Variants in IL1RAPL1 observed in about 807,000 individuals in gnomAD.
IL1RAPL1 encodes the protein interleukin 1 receptor accessory protein like 1.
Under a neutral mutation model 48.4 loss-of-function variants are expected in IL1RAPL1, and 3 were observed. That is an observed-to-expected ratio of 0.06 (90% CI 0.03 to 0.16). The LOEUF (loss-of-function observed/expected upper bound fraction) is 0.16. Ranked by LOEUF, IL1RAPL1 falls within the 10% of genes least tolerant of loss-of-function variation. IL1RAPL1 has a pLI of 1.00. For synonymous variants in IL1RAPL1, 185 were observed against 187.7 expected, an observed-to-expected ratio of 0.99 and a Z score of 0.12; for missense variants, 349 against 530.6, an observed-to-expected ratio of 0.66 and a Z score of 3.36.
intron 2 of IL1RAPL1, among the ~76,000 whole-genome samples, chrX:28,863,230 A>G (rs1466819412): frequency 1.8e-5 from 2 of 111,428 alleles, no homozygotes; most frequent in African/African-American, 3.3e-5. Context: ...CTTTTTATAC[A>G]AAGAGCCAGA....
At chrX:28,700,178 T>C (rs1481076757) in intron 1 of IL1RAPL1, among the ~76,000 whole-genome samples, 1 of 111,076 alleles carries the variant, frequency 9.0e-6, no homozygotes, top group Non-Finnish European at 1.9e-5. Context: ...ATGGGAGGAC[T>C]TTTTTTTGAA....
chrX:29,064,727 G>T (rs1452983350), intron 2 of IL1RAPL1, among the ~76,000 whole-genome samples: 3 of 110,260 alleles, frequency 2.7e-5, no homozygotes, highest in Non-Finnish European at 5.7e-5. Context: ...GACTACAGGC[G>T]CCCGCCACCA....
chrX:29,828,281 G>A (rs777502404), intron 6 of IL1RAPL1, among the ~76,000 whole-genome samples: 1 of 111,788 alleles, frequency 8.9e-6, no homozygotes, highest in South Asian at 3.8e-4. Context: ...AGACACTGGA[G>A]AGTTCTGAGA....
intron 5 of IL1RAPL1, among the ~76,000 whole-genome samples, chrX:29,525,958 A>T (rs939817627): frequency 8.9e-6 from 1 of 111,897 alleles, no homozygotes; most frequent in African/African-American, 3.2e-5. Context: ...GTAGCTAAAC[A>T]TTATCTTCAG....
intron 3 of IL1RAPL1, among the ~76,000 whole-genome samples, chrX:29,370,931 A>T (rs1274954066): frequency 2.7e-5 from 3 of 109,405 alleles, no homozygotes; most frequent in Non-Finnish European, 5.7e-5. Context: ...ATATTTCAAG[A>T]CATGTATATA....
At chrX:29,442,123 C>G (rs1216589610) in intron 5 of IL1RAPL1, among the ~76,000 whole-genome samples, 3 of 111,887 alleles carry the variant, frequency 2.7e-5, no homozygotes, top group Non-Finnish European at 3.8e-5. Flanking sequence ...GCAAAAAGAA[C>G]AAATCTGGAG....
chrX:28,807,388 G>A (rs1055555951), intron 2 of IL1RAPL1, among the ~76,000 whole-genome samples: 5 of 111,548 alleles, frequency 4.5e-5, no homozygotes, highest in South Asian at 7.4e-4. Context: ...GGTAGGTACA[G>A]AATAGTATTT....
chrX:29,373,961 G>T (rs1457899694), intron 3 of IL1RAPL1, among the ~76,000 whole-genome samples: 1 of 89,536 alleles, frequency 1.1e-5, no homozygotes, highest in Non-Finnish European at 2.1e-5. Flanking sequence ...TCCCTCCTCA[G>T]CTTCCCAAAG....
chrX:29,142,383 A>G (rs947121672), intron 2 of IL1RAPL1, among the ~76,000 whole-genome samples: 2 of 111,756 alleles, frequency 1.8e-5, no homozygotes, highest in African/African-American at 6.5e-5. Context: ...AAAAGTTTCT[A>G]GGTCAGGAAA....
intron 5 of IL1RAPL1, among the ~76,000 whole-genome samples, chrX:29,552,270 A>G (rs1921841941): frequency 9.0e-6 from 1 of 111,671 alleles, no homozygotes; most frequent in Non-Finnish European, 1.9e-5. Context: ...TACATTTTAT[A>G]TGCCATTTCT....
intron 6 of IL1RAPL1, among the ~76,000 whole-genome samples, chrX:29,775,839 C>T (rs187603132): frequency 1.8e-3 from 198 of 111,269 alleles, no homozygotes; most frequent in African/African-American, 6.1e-3. Flanking sequence ...ACCTACTCTT[C>T]CTTTTGTCTT....
At chrX:28,836,728 C>T (rs757794884) in intron 2 of IL1RAPL1, among the ~76,000 whole-genome samples, 1 of 110,120 alleles carries the variant, frequency 9.1e-6, no homozygotes, top group African/African-American at 3.3e-5. Flanking sequence ...TCCTTAAAAA[C>T]TTGCTGTGGT....
At chrX:29,867,970 G>A (rs1285930337) in intron 6 of IL1RAPL1, among the ~76,000 whole-genome samples, 1 of 112,271 alleles carries the variant, frequency 8.9e-6, no homozygotes, top group Admixed American at 9.4e-5. Context: ...TTTATTTAGT[G>A]GAATGACCTC....
At chrX:28,689,683 T>C (rs925278118) in intron 1 of IL1RAPL1, among the ~76,000 whole-genome samples, 2 of 111,960 alleles carry the variant, frequency 1.8e-5, no homozygotes, top group African/African-American at 6.5e-5. Context: ...ATTTGTAGAG[T>C]TTCTTTTCTC....
chrX:28,940,564 T>A (rs920104046), intron 2 of IL1RAPL1, among the ~76,000 whole-genome samples: 43 of 111,178 alleles, frequency 3.9e-4, no homozygotes, highest in Non-Finnish European at 7.2e-4. Context: ...CTAGAAGTTT[T>A]AGAAGACGTC....
chrX:29,138,490 G>A (rs763316744), intron 2 of IL1RAPL1, among the ~76,000 whole-genome samples: 1 of 111,169 alleles, frequency 9.0e-6, no homozygotes, highest in South Asian at 3.7e-4. Flanking sequence ...TTAGTAGGCC[G>A]GGCATGGTGG....
intron 5 of IL1RAPL1, among the ~76,000 whole-genome samples, chrX:29,540,361 C>G (rs1294470837): frequency 9.0e-6 from 1 of 111,372 alleles, no homozygotes; most frequent in Non-Finnish European, 1.9e-5. Flanking sequence ...TTGTCCAAAG[C>G]AATCTACAGA....
chrX:29,208,341 G>A (rs1178661632), intron 2 of IL1RAPL1, among the ~76,000 whole-genome samples: 2 of 111,606 alleles, frequency 1.8e-5, no homozygotes, highest in African/African-American at 6.5e-5. Flanking sequence ...GAGAAATAGA[G>A]CAGCGAGAAA....
intron 5 of IL1RAPL1, among the ~76,000 whole-genome samples, chrX:29,525,056 A>G (rs994169217): frequency 8.9e-6 from 1 of 112,464 alleles, no homozygotes; most frequent in Non-Finnish European, 1.9e-5. Flanking sequence ...GAACATATGC[A>G]TCCAAATCAG....
Sources: gnomAD v4.1 joint callset for allele counts (sites outside exome capture counted in the v4.1 genomes callset) on GRCh38, gnomAD v4.1.1 for gene constraint, MANE v1.5 for transcripts, NCBI Gene and HGNC (gene_info 2026-07-23, HGNC 2026-07-21) for gene names.